CACNA2D3: variants seen among roughly 807,000 people sequenced by gnomAD.
CACNA2D3 encodes voltage-dependent calcium channel subunit alpha-2/delta-3.
In CACNA2D3, 60 loss-of-function variants were observed where a neutral mutation model predicts 160.6. The observed-to-expected ratio is 0.37, with a 90% CI of 0.30 to 0.46. The LOEUF is 0.46. Among genes scored for constraint, CACNA2D3 ranks in the 20% least tolerant of loss-of-function variants. The pLI is 1.00. For synonymous variants in CACNA2D3, 558 were observed against 492.9 expected, an observed-to-expected ratio of 1.13 and a Z score of -1.75; for missense variants, 1,205 against 1,365.0, an observed-to-expected ratio of 0.88 and a Z score of 1.85.
At chr3:54,305,465 G>A (rs527378118) in intron 2 of CACNA2D3, among the ~76,000 whole-genome samples, 1 of 152,334 alleles carries the variant, frequency 6.6e-6, no homozygotes, top group African/African-American at 2.4e-5. Context: ...GAACAGAACT[G>A]TCTAGTGGCA....
chr3:54,182,933 A>G (rs1483676302), intron 2 of CACNA2D3, among the ~76,000 whole-genome samples: 2 of 152,206 alleles, frequency 1.3e-5, no homozygotes, highest in Non-Finnish European at 2.9e-5. Context: ...TGGAAAGCCT[A>G]TTTCTGAGTT....
At chr3:54,918,984 T>C in intron 27 of CACNA2D3, 1 of 1,028,088 alleles carries the variant, frequency 9.7e-7, no homozygotes, top group South Asian at 2.8e-5. Context: ...CAGATGGAAT[T>C]TATGAAGTAC....
intron 17 of CACNA2D3, 150 bp from the exon 18 acceptor site, chr3:54,871,389 C>T: frequency 3.4e-6 from 2 of 579,970 alleles, no homozygotes; most frequent in East Asian, 2.9e-5. Flanking sequence ...TTAAAAGTCC[C>T]TAGGACTGTC....
intron 2 of CACNA2D3, among the ~76,000 whole-genome samples, chr3:54,270,973 A>G (rs977883952): frequency 6.6e-6 from 1 of 152,178 alleles, no homozygotes; most frequent in African/African-American, 2.4e-5. Context: ...TATTATTTTT[A>G]TATAAAATCA....
chr3:54,941,686 A>G (rs1308443041), intron 27 of CACNA2D3, among the ~76,000 whole-genome samples: 1 of 152,238 alleles, frequency 6.6e-6, no homozygotes, highest in Non-Finnish European at 1.5e-5. Context: ...GTTTTATTAA[A>G]GTAATAATTT....
chr3:54,818,766 G>C (rs1703519092), intron 14 of CACNA2D3, among the ~76,000 whole-genome samples: 1 of 152,186 alleles, frequency 6.6e-6, no homozygotes, highest in African/African-American at 2.4e-5. Context: ...GAATAGCTTT[G>C]CCTTCTGTTC....
At chr3:54,832,942 A>T (rs886291413) in intron 14 of CACNA2D3, among the ~76,000 whole-genome samples, 1 of 152,234 alleles carries the variant, frequency 6.6e-6, no homozygotes, top group African/African-American at 2.4e-5. Context: ...CTCTGGGGTC[A>T]TGCCCTAGGT....
At chr3:54,250,240 A>G (rs984204882) in intron 2 of CACNA2D3, among the ~76,000 whole-genome samples, 3 of 152,284 alleles carry the variant, frequency 2.0e-5, no homozygotes, top group Non-Finnish European at 2.9e-5. Flanking sequence ...ACAGAACTAT[A>G]AATCTGGCAA....
chr3:54,830,950 C>A (rs976252317), intron 14 of CACNA2D3, among the ~76,000 whole-genome samples: 1 of 151,932 alleles, frequency 6.6e-6, no homozygotes, highest in Admixed American at 6.6e-5. Flanking sequence ...AACACCGCTG[C>A]GTATTCACAA....
rs562074067 is a variant in CACNA2D3, at chr3:54,462,219, G to A, written c.382-41273G>A. ...CCAGTATGTGGTCCATTTTGGAATA[G>A]GTGTGGTGTGGTGCTGAAAAAAATG... On this transcript the variant is annotated intron_variant, in intron 4 of 37. Transcript: ENST00000474759. 3.6e-3 allele frequency among the ~76,000 whole-genome samples: 544 copies of A among 152,268 alleles called. 3 individuals carry two copies. Among genetic ancestry groups the A allele is most frequent in the Middle Eastern group, 0.01 (3 of 294 alleles).
At chr3:54,297,525 C>G (rs56271940) in intron 2 of CACNA2D3, among the ~76,000 whole-genome samples, 35,280 of 151,878 alleles carry the variant, frequency 0.23, 4,329 homozygotes, top group South Asian at 0.34. Flanking sequence ...TCCCAGAATG[C>G]TATGTTTTCT....
intron 4 of CACNA2D3, among the ~76,000 whole-genome samples, chr3:54,440,320 C>A (rs1433937516): frequency 6.6e-6 from 1 of 152,086 alleles, no homozygotes. Flanking sequence ...AGATGAAACC[C>A]ACCCTCTGGA....
Position 54,880,813 on chromosome 3 carries a change from C to A in CACNA2D3, c.1862C>A (p.Ser621Tyr), listed in dbSNP as rs770105753. 1 of 1,613,854 alleles carries A rather than the reference C, an allele frequency of 6.2e-7. No individual in the cohort carries two copies. The change falls in exon 21 of 38, where the codon TCC becomes TAC. Residue 621 changes from serine (S) to tyrosine (Y), a missense_variant. By Grantham distance (144) the Ser-to-Tyr change is moderately radical. Around this residue, in one of 3 missense-constraint regions of CACNA2D3, gnomAD observed 911 missense variants for 1,002.2 expected, o/e 0.91. Transcript: ENST00000474759. Reference protein sequence around the residue: ...GTPFSLGVALSRGHGKYFFRG... With the variant: ...GTPFSLGVALYRGHGKYFFRG... Reference sequence around the variant, plus strand: ...CTGCACAGTTTAGGTGTGGCGCTTTCCAGAGGTCATGGGAAATATTTCTTC... The same window carrying A: ...CTGCACAGTTTAGGTGTGGCGCTTTACAGAGGTCATGGGAAATATTTCTTC...
intron 2 of CACNA2D3, among the ~76,000 whole-genome samples, chr3:54,202,095 G>A (rs1260885969): frequency 6.6e-6 from 1 of 152,190 alleles, no homozygotes; most frequent in East Asian, 1.9e-4. Context: ...TTGTTTATAT[G>A]AAATTCACAT....
chr3:54,404,314 ATCC>A (rs1699531056), intron 4 of CACNA2D3, among the ~76,000 whole-genome samples: 6 of 152,190 alleles, frequency 3.9e-5, no homozygotes, highest in Admixed American at 3.9e-4. Context: ...AGAGAGATGT[ATCC>A]CTGGCCATGT....
chr3:54,162,909 A>G (rs1311998915), intron 2 of CACNA2D3, among the ~76,000 whole-genome samples: 1 of 152,250 alleles, frequency 6.6e-6, no homozygotes, highest in Admixed American at 6.5e-5. Context: ...ATGAAGAACA[A>G]TAAATAGGGT....
chr3:54,900,246 G>A (rs1374235145), intron 27 of CACNA2D3, among the ~76,000 whole-genome samples: 1 of 152,120 alleles, frequency 6.6e-6, no homozygotes, highest in African/African-American at 2.4e-5. Context: ...GTTTGTTTTA[G>A]GCAAACACAA....
chr3:54,432,092 G>C (rs1481460041), intron 4 of CACNA2D3, among the ~76,000 whole-genome samples: 1 of 151,986 alleles, frequency 6.6e-6, no homozygotes, highest in Non-Finnish European at 1.5e-5. Context: ...ATACATGACT[G>C]TGTTTTCAGG....
chr3:54,456,545 G>C (rs961056736), intron 4 of CACNA2D3, among the ~76,000 whole-genome samples: 1 of 151,834 alleles, frequency 6.6e-6, no homozygotes, highest in Admixed American at 6.6e-5. Context: ...ATTCATTAGG[G>C]ATATTGGCCT....
Sources: allele counts gnomAD v4.1 joint callset (sites outside exome capture counted in the v4.1 genomes callset), GRCh38; gene constraint gnomAD v4.1.1; regional missense constraint gnomAD v4.1.1; transcripts MANE v1.5; gene names NCBI Gene and HGNC (gene_info 2026-07-23, HGNC 2026-07-21).